The following MLLT3 variants were observed in gnomAD, a reference collection of about 807,000 sequenced individuals.
MLLT3 encodes protein AF-9.
Under a neutral mutation model 53.2 loss-of-function variants are expected in MLLT3, and 4 were observed. That is an observed-to-expected ratio of 0.08 (90% CI 0.04 to 0.17). MLLT3 has a LOEUF of 0.17. Among genes scored for constraint, MLLT3 ranks in the 10% least tolerant of loss-of-function variants. The pLI, the probability that MLLT3 is intolerant of heterozygous loss-of-function variation, is 1.00. For synonymous variants in MLLT3, 283 were observed against 230.6 expected, an observed-to-expected ratio of 1.23 and a Z score of -2.06; for missense variants, 569 against 684.0, an observed-to-expected ratio of 0.83 and a Z score of 1.87.
At chr9:20,463,017 T>A (rs751429757) in intron 2 of MLLT3, among the ~76,000 whole-genome samples, 16 of 152,168 alleles carry the variant, frequency 1.1e-4, no homozygotes, top group Admixed American at 2.6e-4. Flanking sequence ...AAGTTTACAT[T>A]TGTATAGAGA....
chr9:20,556,023 T>C (rs1389178453), intron 2 of MLLT3, among the ~76,000 whole-genome samples: 1 of 152,196 alleles, frequency 6.6e-6, no homozygotes, highest in Non-Finnish European at 1.5e-5. Context: ...TTGACAAGTT[T>C]TTTCAGTGCC....
At chr9:20,421,123 G>A (rs573335131) in intron 4 of MLLT3, among the ~76,000 whole-genome samples, 1 of 152,220 alleles carries the variant, frequency 6.6e-6, no homozygotes, top group East Asian at 1.9e-4. Flanking sequence ...AATTAGCCGG[G>A]CCAGGTGGCG....
intron 4 of MLLT3, among the ~76,000 whole-genome samples, chr9:20,432,654 G>A (rs1036302965): frequency 6.9e-6 from 1 of 144,762 alleles, no homozygotes; most frequent in Non-Finnish European, 1.5e-5. Flanking sequence ...AAAAAAAATC[G>A]CTTTTTTTTT....
intron 4 of MLLT3, among the ~76,000 whole-genome samples, chr9:20,443,833 C>T (rs1255741177): frequency 6.6e-6 from 1 of 152,140 alleles, no homozygotes; most frequent in Non-Finnish European, 1.5e-5. Context: ...CTGCCATATC[C>T]GTTTCACAGC....
At chr9:20,523,709 C>T (rs1051921078) in intron 2 of MLLT3, among the ~76,000 whole-genome samples, 6 of 152,070 alleles carry the variant, frequency 3.9e-5, no homozygotes, top group South Asian at 2.1e-4. Context: ...GTGGCTCATG[C>T]CTGTAATCCC....
At chr9:20,443,958 A>G (rs374512389) in intron 4 of MLLT3, among the ~76,000 whole-genome samples, 16 of 152,336 alleles carry the variant, frequency 1.1e-4, no homozygotes, top group East Asian at 5.8e-4. Flanking sequence ...ATTGTATCAC[A>G]CTTCTTTCCA....
At chr9:20,434,360 T>C (rs1024381184) in intron 4 of MLLT3, among the ~76,000 whole-genome samples, 4 of 152,218 alleles carry the variant, frequency 2.6e-5, no homozygotes, top group African/African-American at 4.8e-5. Context: ...TTTTGTACCA[T>C]ACTTGTATTA....
At chr9:20,493,566 T>C (rs2118926310) in intron 2 of MLLT3, among the ~76,000 whole-genome samples, 1 of 152,176 alleles carries the variant, frequency 6.6e-6, no homozygotes, top group East Asian at 1.9e-4. Context: ...TACACATAGA[T>C]GCTCATTAGT....
chr9:20,500,238 T>TA lies in MLLT3; in HGVS notation c.194-43453dup, dbSNP rs111696920. The stretch of plus-strand genomic sequence containing the variant: ...CTAGCAGGGCAAAGGTCTGGCTGCT[T>TA]AATACAGTTGGTCTTCTCAGGGCCC... On this transcript the variant is annotated intron_variant, in intron 2 of 10. Transcript: ENST00000380338. 5.4e-3 allele frequency among the ~76,000 whole-genome samples: 817 copies of TA among 152,222 alleles called. 6 individuals carry two copies. The highest frequency in any genetic ancestry group is 0.019 in the African/African-American group (789 of 41,562).
chr9:20,507,846 G>A (rs1277485372), intron 2 of MLLT3, among the ~76,000 whole-genome samples: 1 of 150,860 alleles, frequency 6.6e-6, no homozygotes, highest in African/African-American at 2.4e-5. Flanking sequence ...AAAAGGAAAG[G>A]TACTCTTCAC....
At chr9:20,495,279 T>C (rs952291604) in intron 2 of MLLT3, among the ~76,000 whole-genome samples, 2 of 152,008 alleles carry the variant, frequency 1.3e-5, no homozygotes. Context: ...CAGTATCCCC[T>C]GGGAGCTTGT....
At chr9:20,465,272 T>C (rs1824207661) in intron 2 of MLLT3, among the ~76,000 whole-genome samples, 1 of 152,180 alleles carries the variant, frequency 6.6e-6, no homozygotes, top group African/African-American at 2.4e-5. Context: ...AAATTATTAA[T>C]ATACAGTAGT....
rs968564237 is a variant in MLLT3 at position 20,448,989 on chromosome 9, C to G, written c.277-723G>C. Among the ~76,000 whole-genome samples the G allele has an allele frequency of 1.1e-4, 16 of 152,144 alleles. No homozygotes were observed. Among genetic ancestry groups the G allele is most frequent in the African/African-American group, 3.9e-4 (16 of 41,432 alleles). ...TAGGTTACCTCTGGTTTCATTCTTG[C>G]TTTGCATTACTACCTTCACTGCCTA... is the stretch of plus-strand genomic sequence containing the variant. On this transcript the variant is annotated intron_variant, in intron 3 of 10. Transcript: ENST00000380338. This position sits in a 1 kb window ranked among gnomAD's most constrained non-coding sequence, Gnocchi z 4.0.
chr9:20,354,517 T>G (rs1821115659), intron 9 of MLLT3, among the ~76,000 whole-genome samples: 1 of 152,198 alleles, frequency 6.6e-6, no homozygotes, highest in African/African-American at 2.4e-5. Flanking sequence ...TTCCTTAATA[T>G]TCTATCTCTA....
chr9:20,454,976 A>T (rs1823923667), intron 3 of MLLT3, among the ~76,000 whole-genome samples: 1 of 152,262 alleles, frequency 6.6e-6, no homozygotes, highest in South Asian at 2.1e-4. Context: ...TATACTTCAC[A>T]TCTACTAGGA....
At chr9:20,550,150 A>C (rs1285106713) in intron 2 of MLLT3, among the ~76,000 whole-genome samples, 1 of 152,196 alleles carries the variant, frequency 6.6e-6, no homozygotes, top group Non-Finnish European at 1.5e-5. Flanking sequence ...TTCTAATCCC[A>C]CGTAACAAGG....
At chr9:20,376,454 T>C (rs999180942) in intron 5 of MLLT3, among the ~76,000 whole-genome samples, 8 of 152,346 alleles carry the variant, frequency 5.3e-5, no homozygotes, top group Admixed American at 2.0e-4. Context: ...CTTACAGATA[T>C]AAAATCATCC....
chr9:20,604,179 G>A (rs1587123783), intron 2 of MLLT3, among the ~76,000 whole-genome samples: 1 of 151,958 alleles, frequency 6.6e-6, no homozygotes, highest in African/African-American at 2.4e-5. Flanking sequence ...TATACAGAAG[G>A]ACCCAACATT....
In MLLT3 at chr9:20,552,561, G is replaced by A. The variant is rs1262271441; in HGVS notation, c.193+68093C>T. On this transcript the variant is annotated intron_variant, in intron 2 of 10. Coordinates refer to ENST00000380338, the MANE Select transcript of MLLT3 (RefSeq NM_004529.4). ...TTGGGGCAGAATAGACGGTTTGAGA[G>A]CAGAAGAGGCGAGAACAGAACCTAT... 2.0e-5 allele frequency among the ~76,000 whole-genome samples: 3 copies of A among 152,098 alleles called. No individual in the cohort carries two copies. The South Asian group carries it at 6.2e-4, about 32-fold the overall frequency.
Sources: allele counts gnomAD v4.1 joint callset (sites outside exome capture counted in the v4.1 genomes callset), GRCh38; gene constraint gnomAD v4.1.1; non-coding constraint Gnocchi (gnomAD v3.1); transcripts MANE v1.5; gene names NCBI Gene and HGNC (gene_info 2026-07-23, HGNC 2026-07-21).